Variants in ESRRG observed in about 807,000 individuals in gnomAD.
ESRRG encodes estrogen-related receptor gamma.
A neutral mutation model predicts 44.0 loss-of-function variants in ESRRG; 13 were observed. The observed-to-expected ratio is 0.30, with a 90% CI of 0.19 to 0.47. The LOEUF (loss-of-function observed/expected upper bound fraction) is 0.47, where lower values mean the gene tolerates loss of function less well. Ranked by LOEUF, ESRRG falls within the 20% of genes least tolerant of loss-of-function variation. ESRRG has a pLI of 1.00. For missense variants in ESRRG, 395 were observed against 580.6 expected (o/e 0.68, Z 3.29); for synonymous variants, 215 against 214.6 (o/e 1.00, Z -0.02).
chr1:216,873,121 G>A (rs1461612023), intron 2 of ESRRG, among the ~76,000 whole-genome samples: 2 of 151,256 alleles, frequency 1.3e-5, no homozygotes, highest in South Asian at 2.1e-4. Context: ...TGGATCTGTT[G>A]GTTTAATTCT....
intron 2 of ESRRG, among the ~76,000 whole-genome samples, chr1:216,907,181 C>T (rs1037234811): frequency 6.6e-6 from 1 of 152,132 alleles, no homozygotes; most frequent in Non-Finnish European, 1.5e-5. Flanking sequence ...GTTACTGACT[C>T]TGGGAAAATG....
rs115076207 is a variant in ESRRG at position 216,758,164 on chromosome 1, C to G, written c.-13-80673G>C. Among the ~76,000 whole-genome samples the G allele has an allele frequency of 1.4e-3, 217 of 152,166 alleles. 1 individual carries two copies. The highest frequency in any genetic ancestry group is 0.011 in the South Asian group (54 of 4,818). On this transcript the variant is annotated intron_variant, in intron 2 of 7. Transcript: ENST00000359162. ...CTCTGAATTAGATTCCCATTCACTT[C>G]CATTAATTGTCACCTCCAATAGAAT...
chr1:216,915,740 A>G (rs183610304), intron 2 of ESRRG, among the ~76,000 whole-genome samples: 6 of 152,346 alleles, frequency 3.9e-5, no homozygotes, highest in African/African-American at 1.4e-4. Flanking sequence ...ACTGACATCC[A>G]GGTAATGCTG....
intron 2 of ESRRG, among the ~76,000 whole-genome samples, chr1:216,926,014 G>A (rs951530193): frequency 6.6e-6 from 1 of 152,148 alleles, no homozygotes; most frequent in Non-Finnish European, 1.5e-5. Flanking sequence ...AACAATCTGA[G>A]CGAGCATGAG....
chr1:216,939,364 A>AAAAAAAAAAAAAAAAAC lies in ESRRG; in HGVS notation c.-14+217_-14+218insGTTTTTTTTTTTTTTTT, dbSNP rs1553720877. 3.0e-4 allele frequency among the ~76,000 whole-genome samples: 40 copies of AAAAAAAAAAAAAAAAAC among 133,778 alleles called. 1 individual carries two copies. The highest frequency in any genetic ancestry group is 1.2e-3 in the African/African-American group (37 of 32,086). The allele number at this position is 133,778 out of a possible 152,430, so 87.8% of individuals were successfully genotyped here. Reference sequence around the variant, plus strand: ...TAGACAAAAAAAAAAAAAAAAAAAAAAAAAAACACTTTAAAGGCATTTAAA... The same window carrying AAAAAAAAAAAAAAAAAC: ...TAGACAAAAAAAAAAAAAAAAAAAAAAAAAAAAAAAAAAAAACAAAAAACACTTTAAAGGCATTTAAA... On this transcript the variant is annotated intron_variant, in intron 2 of 7. Coordinates refer to the ESRRG transcript ENST00000359162.
intron 1 of ESRRG, among the ~76,000 whole-genome samples, chr1:216,957,818 C>T (rs1337605257): frequency 1.3e-5 from 2 of 152,148 alleles, no homozygotes; most frequent in African/African-American, 2.4e-5. Context: ...TTATTGCCTA[C>T]GATAAGACAC....
At chr1:216,580,657 ATGAG>A (rs1167612830) in intron 3 of ESRRG, among the ~76,000 whole-genome samples, 2 of 152,194 alleles carry the variant, frequency 1.3e-5, no homozygotes, top group African/African-American at 2.4e-5. Flanking sequence ...AAGCAGATGA[ATGAG>A]TTTGATCACA....
At chr1:217,051,215 G>GAGGGGC (rs1553259376) in intron 1 of ESRRG, among the ~76,000 whole-genome samples, 124 of 118,738 alleles carry the variant, frequency 1.0e-3, no homozygotes, top group African/African-American at 3.6e-3. Context: ...GGGGGGGGGG[G>GAGGGGC]GTGCCAGGGG....
intron 2 of ESRRG, among the ~76,000 whole-genome samples, chr1:216,836,262 A>G (rs1029497364): frequency 2.6e-5 from 4 of 152,182 alleles, no homozygotes; most frequent in Non-Finnish European, 4.4e-5. Flanking sequence ...AAAACAAAAC[A>G]AAAACTTCCT....
chr1:216,964,741 G>T (rs926032706), intron 1 of ESRRG, among the ~76,000 whole-genome samples: 2 of 141,144 alleles, frequency 1.4e-5, no homozygotes, highest in African/African-American at 5.7e-5. Flanking sequence ...AAAAGGAGAA[G>T]AGAAGGAAAA....
chr1:216,884,612 C>A (rs1365435371), intron 2 of ESRRG, among the ~76,000 whole-genome samples: 1 of 152,170 alleles, frequency 6.6e-6, no homozygotes, highest in African/African-American at 2.4e-5. Flanking sequence ...TTCTTCAGTA[C>A]CTGGAGCAGT....
chr1:216,867,197 A>T (rs1336294831), intron 2 of ESRRG, among the ~76,000 whole-genome samples: 2 of 152,200 alleles, frequency 1.3e-5, no homozygotes, highest in African/African-American at 4.8e-5. Context: ...GAACAAAATC[A>T]CTTGTCCAAC....
intron 3 of ESRRG, among the ~76,000 whole-genome samples, chr1:216,582,431 A>T (rs1278029747): frequency 6.6e-6 from 1 of 152,024 alleles, no homozygotes; most frequent in Non-Finnish European, 1.5e-5. Context: ...TCTGTTGGAA[A>T]CTGCAAGTCA....
chr1:216,661,392 T>G (rs1000852933), intron 2 of ESRRG, among the ~76,000 whole-genome samples: 1 of 152,206 alleles, frequency 6.6e-6, no homozygotes, highest in African/African-American at 2.4e-5. Context: ...ACAACCTTGA[T>G]GCAAGTCTGC....
intron 2 of ESRRG, among the ~76,000 whole-genome samples, chr1:216,904,200 C>T (rs2059423196): frequency 8.8e-6 from 1 of 113,640 alleles, no homozygotes; most frequent in South Asian, 3.0e-4. Flanking sequence ...CAGCTGCAAT[C>T]ATCACCCCCC....
At chr1:217,042,736 T>A (rs1008387259) in intron 1 of ESRRG, among the ~76,000 whole-genome samples, 5 of 148,076 alleles carry the variant, frequency 3.4e-5, no homozygotes, top group Admixed American at 2.7e-4. Flanking sequence ...CTGTTCACTT[T>A]AAAAAAAAAA....
At chr1:216,666,721 C>A (rs1055961965) in intron 2 of ESRRG, among the ~76,000 whole-genome samples, 1 of 152,172 alleles carries the variant, frequency 6.6e-6, no homozygotes, top group Non-Finnish European at 1.5e-5. Flanking sequence ...CAGCCACACC[C>A]GCTTCCTGAA....
At position 216,906,531 on chromosome 1, in the gene ESRRG, C is replaced by G. The variant is rs1359838371; in HGVS notation, c.-14+33051G>C. 3.9e-5 allele frequency among the ~76,000 whole-genome samples: 6 copies of G among 152,152 alleles called. No homozygotes were observed. In the East Asian group the frequency reaches 1.2e-3, roughly 29 times the overall value. ...CCGTGCCTCACCCTAGGGATGCACTCTCCCTCCTACTTCCCTCCCTACCAG... is the reference window on the plus strand; with the variant it reads ...CCGTGCCTCACCCTAGGGATGCACTGTCCCTCCTACTTCCCTCCCTACCAG... On this transcript the variant is annotated intron_variant, in intron 2 of 7. Coordinates refer to the ESRRG transcript ENST00000359162.
chr1:216,871,215 A>T (rs1040008355), intron 2 of ESRRG, among the ~76,000 whole-genome samples: 1 of 152,008 alleles, frequency 6.6e-6, no homozygotes, highest in Non-Finnish European at 1.5e-5. Context: ...AATATTTTCT[A>T]ATCCCCTGAG....
Sources: gnomAD v4.1 joint callset for allele counts (sites outside exome capture counted in the v4.1 genomes callset) on GRCh38, gnomAD v4.1.1 for gene constraint, MANE v1.5 for transcripts, NCBI Gene and HGNC (gene_info 2026-07-23, HGNC 2026-07-21) for gene names.